The following NCAM2 variants were observed in gnomAD, a reference collection of about 807,000 sequenced individuals.
NCAM2 encodes the protein N-CAM-2.
In NCAM2, 30 loss-of-function variants were observed where a neutral mutation model predicts 98.1. The ratio of observed to expected loss-of-function variants is 0.31; its 90% confidence interval spans 0.23 to 0.41. NCAM2 has a LOEUF of 0.41. NCAM2 is among the 10% of genes least tolerant of loss of function. The pLI is 1.00. For synonymous variants in NCAM2, 368 were observed against 342.4 expected (o/e 1.07, Z -0.83); for missense variants, 867 against 1,005.8 (o/e 0.86, Z 1.87).
At chr21:21,528,763 C>T (rs1286505956) in intron 16 of NCAM2, among the ~76,000 whole-genome samples, 2 of 151,998 alleles carry the variant, frequency 1.3e-5, no homozygotes, top group African/African-American at 4.8e-5. Context: ...CCATGACAAC[C>T]ACACATTTAT....
At chr21:21,223,578 A>G (rs2070257881) in intron 1 of NCAM2, 1 of 152,106 alleles carries the variant, frequency 6.6e-6, no homozygotes, top group Non-Finnish European at 1.5e-5. Context: ...CCAGTATTAG[A>G]TTTTTGTGAG....
intron 1 of NCAM2, among the ~76,000 whole-genome samples, chr21:21,070,286 T>A (rs548010921): frequency 5.4e-5 from 8 of 148,114 alleles, no homozygotes; most frequent in South Asian, 2.1e-4. Context: ...TATATATATA[T>A]AATCTAATAT....
At chr21:21,458,877 C>G (rs549536378) in intron 12 of NCAM2, among the ~76,000 whole-genome samples, 1 of 152,004 alleles carries the variant, frequency 6.6e-6, no homozygotes, top group Non-Finnish European at 1.5e-5. Context: ...AACTTCCGCA[C>G]ATAAAAGGAA....
rs532892942 is a variant in NCAM2, at chr21:21,104,650, A to C, written c.55+106032A>C. Among the ~76,000 whole-genome samples the C allele has an allele frequency of 2.0e-5, 3 of 152,244 alleles. No individual in the cohort carries two copies. In the South Asian group the frequency reaches 6.2e-4, roughly 32 times the overall value. On this transcript the variant is annotated intron_variant, in intron 1 of 17. Transcript: ENST00000400546. ...TTCCTAAGACAAGAATGAGCTTGGA[A>C]TATGCAAGAAATAGAAAGAAGGGCC... is the stretch of plus-strand genomic sequence containing the variant.
intron 5 of NCAM2, among the ~76,000 whole-genome samples, chr21:21,310,247 G>A (rs2074003985): frequency 6.6e-6 from 1 of 152,050 alleles, no homozygotes; most frequent in Non-Finnish European, 1.5e-5. Flanking sequence ...GTTTGCCAGT[G>A]AATTTTTAAC....
intron 1 of NCAM2, among the ~76,000 whole-genome samples, chr21:21,084,076 G>A (rs1191952885): frequency 6.6e-6 from 1 of 152,130 alleles, no homozygotes; most frequent in Non-Finnish European, 1.5e-5. Flanking sequence ...CCAATTTGAT[G>A]TCTGTTGAGG....
intron 1 of NCAM2, among the ~76,000 whole-genome samples, chr21:21,008,708 T>C (rs776488749): frequency 6.6e-6 from 1 of 152,302 alleles, no homozygotes; most frequent in Non-Finnish European, 1.5e-5. Context: ...TTAATATCAT[T>C]ATGTTCTTCA....
intron 8 of NCAM2, among the ~76,000 whole-genome samples, chr21:21,356,346 C>T (rs988391443): frequency 2.0e-5 from 3 of 152,016 alleles, no homozygotes; most frequent in African/African-American, 7.2e-5. Context: ...GCGGTTCCTA[C>T]TGTGGATTTA....
chr21:21,256,976 T>C (rs2071697783), intron 1 of NCAM2, among the ~76,000 whole-genome samples: 1 of 152,200 alleles, frequency 6.6e-6, no homozygotes, highest in Non-Finnish European at 1.5e-5. Flanking sequence ...AGTTCCTTCC[T>C]CTGATTTTCT....
intron 12 of NCAM2, among the ~76,000 whole-genome samples, chr21:21,445,734 G>A (rs572893257): frequency 4.6e-5 from 7 of 152,002 alleles, no homozygotes; most frequent in African/African-American, 1.7e-4. Context: ...ACGTGAGATG[G>A]GTCTCCAGAA....
At chr21:21,389,492 A>G (rs1398469454) in intron 9 of NCAM2, among the ~76,000 whole-genome samples, 1 of 152,172 alleles carries the variant, frequency 6.6e-6, no homozygotes, top group Non-Finnish European at 1.5e-5. Context: ...ATTGTTAACT[A>G]TAGTTGCCCT....
rs2076867612 is a variant in NCAM2, at chr21:21,411,110, A to ACATATATACATATATGTG, written c.1383+649_1383+650insCATATATACATATATGTG. 1.9e-4 allele frequency among the ~76,000 whole-genome samples: 5 copies of ACATATATACATATATGTG among 26,972 alleles called. 1 individual carries two copies. The highest frequency in any genetic ancestry group is 3.6e-4 in the Non-Finnish European group (5 of 13,804). 17.7% of individuals were successfully genotyped at this position (26,972 alleles called of 152,430 possible). ...TATGTGTGTATATATATACATATAT[A>ACATATATACATATATGTG]TGTATATATATATACACATATATAT... On this transcript the variant is annotated intron_variant, in intron 10 of 17. Transcript: ENST00000400546.
chr21:21,125,494 G>A (rs1169089006), intron 1 of NCAM2, among the ~76,000 whole-genome samples: 1 of 74,150 alleles, frequency 1.3e-5, no homozygotes, highest in Non-Finnish European at 2.7e-5. Context: ...AGATATATAT[G>A]TAATATGTAA....
At position 21,054,933 on chromosome 21, in the gene NCAM2, C is replaced by G. The variant is rs552989798; in HGVS notation, c.55+56315C>G. On this transcript the variant is annotated intron_variant, in intron 1 of 17. Transcript: ENST00000400546. The stretch of plus-strand genomic sequence containing the variant: ...AATGAAGTTTTCTTATATGTAGAAA[C>G]GAAGTTGGCTTAAGACCCTAAGTTG... 3.6e-4 allele frequency among the ~76,000 whole-genome samples: 54 copies of G among 151,990 alleles called. No individual in the cohort carries two copies. The South Asian group carries it at 0.011, about 31-fold the overall frequency.
At chr21:21,311,632 C>A (rs2408074) in intron 5 of NCAM2, among the ~76,000 whole-genome samples, 3 of 152,054 alleles carry the variant, frequency 2.0e-5, no homozygotes, top group Non-Finnish European at 4.4e-5. Context: ...TGATCCACTG[C>A]GCCCGGCCCA....
intron 2 of NCAM2, among the ~76,000 whole-genome samples, chr21:21,281,013 AC>A (rs1304308064): frequency 7.2e-5 from 11 of 151,848 alleles, no homozygotes; most frequent in Non-Finnish European, 1.6e-4. Context: ...CTGGTCTCAA[AC>A]TTCTGACCTC....
intron 8 of NCAM2, among the ~76,000 whole-genome samples, chr21:21,343,738 C>A (rs2147901922): frequency 6.6e-6 from 1 of 152,258 alleles, no homozygotes; most frequent in South Asian, 2.1e-4. Context: ...TGAGTGCCTG[C>A]AAACCTCACC....
chr21:21,187,564 G>A (rs755960122), intron 1 of NCAM2, among the ~76,000 whole-genome samples: 74 of 152,206 alleles, frequency 4.9e-4, no homozygotes, highest in Non-Finnish European at 9.3e-4. Context: ...AAAGGAGAAA[G>A]CATCTTTTAC....
intron 9 of NCAM2, among the ~76,000 whole-genome samples, chr21:21,375,098 G>T (rs1479405971): frequency 6.6e-6 from 1 of 150,926 alleles, no homozygotes; most frequent in South Asian, 2.1e-4. Flanking sequence ...CACCAGCATG[G>T]CACATGTATA....
Sources: gnomAD v4.1 joint callset for allele counts (sites outside exome capture counted in the v4.1 genomes callset) on GRCh38, gnomAD v4.1.1 for gene constraint, MANE v1.5 for transcripts, NCBI Gene and HGNC (gene_info 2026-07-23, HGNC 2026-07-21) for gene names.